The following RP1L1 variants were observed in gnomAD, a reference collection of about 807,000 sequenced individuals.
RP1L1 encodes the protein RP1 like 1.
A neutral mutation model predicts 15.7 loss-of-function variants in RP1L1; 27 were observed. The observed-to-expected ratio is 1.72, with a 90% CI of 1.27 to 2.38. RP1L1 has a LOEUF of 2.38. RP1L1 is among the 30% of genes most tolerant of loss of function. RP1L1 has a pLI of 0.00. For synonymous variants in RP1L1, 1,813 were observed against 1,276.7 expected (o/e 1.42, Z -8.96); for missense variants, 4,798 against 3,075.9 (o/e 1.56, Z -13.24).
intron 3 of RP1L1, among the ~76,000 whole-genome samples, chr8:10,614,762 C>A (rs1433869937): frequency 1.4e-4 from 21 of 150,290 alleles, no homozygotes; most frequent in Non-Finnish European, 1.9e-4. Flanking sequence ...CCCCCAAGGG[C>A]TTTCAAATTC....
intron 2 of RP1L1, 57 bp from the exon 3 acceptor site, chr8:10,616,644 G>GA: frequency 2.6e-6 from 4 of 1,554,666 alleles, no homozygotes; most frequent in Non-Finnish European, 3.5e-6. Context: ...CCTCTACCCT[G>GA]AGGCCTGGGG....
At chr8:10,615,905 CATTT>C (rs1304685387) in intron 3 of RP1L1, among the ~76,000 whole-genome samples, 1 of 151,942 alleles carries the variant, frequency 6.6e-6, no homozygotes, top group African/African-American at 2.4e-5. Context: ...ATCCCTGTTC[CATTT>C]ATTTATTAAT....
chr8:10,608,396 G>A lies in RP1L1; in HGVS notation c.5702C>T (p.Pro1901Leu), dbSNP rs989246809. 4.4e-6 allele frequency: 7 copies of A among 1,606,576 alleles called. No individual in the cohort carries two copies. In the South Asian group the frequency reaches 7.7e-5, roughly 18 times the overall value. Reference sequence around the variant, plus strand: ...CGGGGCTTCTGCACCTTCTGACTCTGGCTGGACCTCCCATTCTGCCTCTGG... The same window carrying A: ...CGGGGCTTCTGCACCTTCTGACTCTAGCTGGACCTCCCATTCTGCCTCTGG... ...ETPEAEWEVQ[P>L]ESEGAEAPEA... Residue 1901 changes from proline (P) to leucine (L), a missense_variant, in exon 4 of 4, where the codon CCA becomes CTA. By Grantham distance (98) the Pro-to-Leu change is moderately conservative. Transcript: ENST00000382483.
intron 3 of RP1L1, among the ~76,000 whole-genome samples, chr8:10,614,512 A>G (rs1266238135): frequency 6.6e-6 from 1 of 152,048 alleles, no homozygotes; most frequent in African/African-American, 2.4e-5. Context: ...GCACAAAAAA[A>G]TAGCTGGGCG....
intron 2 of RP1L1, 115 bp downstream of exon 2, chr8:10,622,478 G>A (rs924024703): frequency 6.8e-6 from 9 of 1,331,600 alleles, no homozygotes; most frequent in East Asian, 2.3e-5. Context: ...CCTTTAATTA[G>A]CAGCAGGGCA....
chr8:10,609,130 G>T lies in RP1L1; in HGVS notation c.4968C>A (p.Phe1656Leu). ...TCCTCACGCAGGCCTCGCAGGGACA[G>T]AACTCCTCCCCCTCCGCCTCCTCGC... The part of the protein sequence containing the change: ...QLGEEAEGEE[F>L]CPCEACVRKK... Residue 1656 changes from phenylalanine to leucine, a missense_variant, in exon 4 of 4, where the codon TTC (phenylalanine) becomes TTA (leucine). Physicochemically the swap from Phe to Leu is conservative, Grantham distance 22. Transcript: ENST00000382483. The T allele has an allele frequency of 6.2e-7, 1 of 1,613,728 alleles. No individual in the cohort carries two copies. Among genetic ancestry groups the T allele is most frequent in the Non-Finnish European group, 8.5e-7 (1 of 1,179,858 alleles).
At chr8:10,635,134 G>A (rs75266243) in intron 1 of RP1L1, among the ~76,000 whole-genome samples, 21 of 152,224 alleles carry the variant, frequency 1.4e-4, no homozygotes, top group African/African-American at 3.6e-4. Context: ...CGGGTGACGC[G>A]GTCTTCATCT....
At chr8:10,653,500 T>C (rs1485775337) in intron 1 of RP1L1, among the ~76,000 whole-genome samples, 2 of 133,712 alleles carry the variant, frequency 1.5e-5, no homozygotes, top group Non-Finnish European at 3.3e-5. Flanking sequence ...ACACGTGCAC[T>C]CGTAAACTAA....
At chr8:10,634,763 C>G (rs970018725) in intron 1 of RP1L1, among the ~76,000 whole-genome samples, 42 of 152,284 alleles carry the variant, frequency 2.8e-4, no homozygotes, top group Middle Eastern at 3.4e-3. Context: ...AACCCACCAG[C>G]CCCGGGGACC....
intron 1 of RP1L1, among the ~76,000 whole-genome samples, chr8:10,630,137 A>G (rs1798219036): frequency 6.6e-6 from 1 of 152,206 alleles, no homozygotes; most frequent in African/African-American, 2.4e-5. Flanking sequence ...TCCCCAGAGC[A>G]TCTATCTCTA....
intron 3 of RP1L1, among the ~76,000 whole-genome samples, chr8:10,614,042 G>A (rs1417265508): frequency 1.3e-5 from 2 of 152,180 alleles, no homozygotes; most frequent in African/African-American, 2.4e-5. Context: ...CTTTATAGTT[G>A]CTAGCACATA....
rs1422965511 is a variant in RP1L1 at position 10,612,852 on chromosome 8, G to A, written c.1246C>T (p.Gln416Ter). ...TTCCGAGCTGCCACTCTCTCTCCCT[G>A]GGAGGCATGCAGGGGATTCGTCCAG... Reference protein sequence around the residue: ...EIWTNPLHASQGERVAARKRW... With the variant: ...EIWTNPLHAS The change falls in exon 4 of 4, where the codon CAG becomes TAG. Residue 416 changes from glutamine (Q) to a stop codon, truncating the protein, a stop_gained. Transcript: ENST00000382483. LOFTEE classifies it low-confidence loss of function (END_TRUNC). The A allele has an allele frequency of 1.9e-6, 3 of 1,612,866 alleles. No individual in the cohort carries two copies. The highest frequency in any genetic ancestry group is 2.2e-5 in the South Asian group (2 of 91,086).
chr8:10,625,899 G>A (rs1798149569), intron 1 of RP1L1, among the ~76,000 whole-genome samples: 1 of 152,038 alleles, frequency 6.6e-6, no homozygotes, highest in African/African-American at 2.4e-5. Flanking sequence ...GCAGGTGGGG[G>A]GCAGGCAGCG....
At chr8:10,646,235 G>A (rs1338835186) in intron 1 of RP1L1, among the ~76,000 whole-genome samples, 1 of 152,208 alleles carries the variant, frequency 6.6e-6, no homozygotes, top group Non-Finnish European at 1.5e-5. Context: ...CACTCCTGAA[G>A]AAGACGCTAT....
At position 10,612,066 on chromosome 8, in the gene RP1L1, G is replaced by C; in HGVS notation, c.2032C>G (p.Leu678Val). ...SHYRKDTHSP[L>V]DSSVTKQVPR... ...ACTTGCTTGGTTACAGAGGAGTCCA[G>C]TGGGCTGTGGGTGTCCTTGCGGTAG... Residue 678 changes from leucine to valine, a missense_variant, in exon 4 of 4, where the codon CTG becomes GTG. Transcript: ENST00000382483. The C allele has an allele frequency of 6.2e-7, 1 of 1,613,884 alleles. No homozygotes were observed. Among genetic ancestry groups the C allele is most frequent in the Non-Finnish European group, 8.5e-7 (1 of 1,180,040 alleles).
intron 1 of RP1L1, among the ~76,000 whole-genome samples, chr8:10,629,439 G>A (rs1226634485): frequency 1.3e-5 from 2 of 152,158 alleles, no homozygotes; most frequent in Non-Finnish European, 2.9e-5. Context: ...GAGGAGGAAT[G>A]GACTCGATTT....
chr8:10,636,068 A>C (rs1431834868), intron 1 of RP1L1, among the ~76,000 whole-genome samples: 2 of 152,252 alleles, frequency 1.3e-5, no homozygotes, highest in Non-Finnish European at 2.9e-5. Context: ...AACATGCTAA[A>C]ATGCTGTTTT....
chr8:10,606,671 C>G lies in RP1L1; in HGVS notation c.*224G>C, dbSNP rs533253516. 1 of 689,090 alleles carries G rather than the reference C, an allele frequency of 1.5e-6. No individual in the cohort carries two copies. Among genetic ancestry groups the G allele is most frequent in the Non-Finnish European group, 2.3e-6 (1 of 425,746 alleles). 42.7% of individuals were successfully genotyped at this position (689,090 alleles called of 1,614,324 possible). A position where few individuals can be genotyped will look rare whatever the true frequency, so the allele number is the denominator to read the frequency against. ...TAACCGGGCAGATCCGCAGACACCC[C>G]CTTTCTTCACACTGCGTGTGGGACG... On this transcript the variant is annotated 3_prime_UTR_variant, in exon 4 of 4. Transcript: ENST00000382483.
At chr8:10,624,094 T>G (rs1352242805) in intron 1 of RP1L1, among the ~76,000 whole-genome samples, 1 of 152,214 alleles carries the variant, frequency 6.6e-6, no homozygotes, top group African/African-American at 2.4e-5. Context: ...GGAAGGAAAT[T>G]GCAAACGTGG....
Sources: allele counts gnomAD v4.1 joint callset (sites outside exome capture counted in the v4.1 genomes callset), GRCh38; gene constraint gnomAD v4.1.1; transcripts MANE v1.5; gene names NCBI Gene and HGNC (gene_info 2026-07-23, HGNC 2026-07-21).